Variants in MTUS2 observed in about 807,000 individuals in gnomAD.
MTUS2 encodes microtubule associated scaffold protein 2.
In MTUS2, 40 loss-of-function variants were observed where a neutral mutation model predicts 114.1. The observed-to-expected ratio is 0.35, with a 90% CI of 0.27 to 0.46. The LOEUF (loss-of-function observed/expected upper bound fraction) is 0.46, where lower values mean the gene tolerates loss of function less well. MTUS2 is among the 20% of genes least tolerant of loss of function. The pLI is 1.00. For missense variants in MTUS2, 1,679 were observed against 1,705.4 expected (o/e 0.98, Z 0.27); for synonymous variants, 688 against 672.0 (o/e 1.02, Z -0.37).
chr13:29,392,161 C>CA lies in MTUS2; in HGVS notation c.3117+32695dup, dbSNP rs1156551970. Among the ~76,000 whole-genome samples, 330 of 133,002 alleles carry CA rather than the reference C, an allele frequency of 2.5e-3. 2 individuals are homozygous for CA. Among genetic ancestry groups the CA allele is most frequent in the African/African-American group, 7.7e-3 (286 of 36,934 alleles). 87.3% of individuals were successfully genotyped at this position (133,002 alleles called of 152,430 possible). On this transcript the variant is annotated intron_variant, in intron 8 of 15. Transcript: ENST00000612955. ...AAAAACAAACCAAAAAAAAAAAAAC[C>CA]AAAAAAACACTTGTTATCTTTCCAA...
intron 2 of MTUS2, among the ~76,000 whole-genome samples, chr13:28,989,531 T>G (rs1884730979): frequency 1.3e-5 from 2 of 152,186 alleles, no homozygotes; most frequent in Non-Finnish European, 2.9e-5. Flanking sequence ...GAGGCTTAGA[T>G]TTGACTTGTT....
chr13:29,406,005 T>C (rs1046354188), intron 8 of MTUS2, among the ~76,000 whole-genome samples: 1 of 152,206 alleles, frequency 6.6e-6, no homozygotes, highest in Non-Finnish European at 1.5e-5. Context: ...CCTCCCACAG[T>C]GCTGGGATTA....
At chr13:29,023,670 T>C (rs1886386665) in intron 2 of MTUS2, among the ~76,000 whole-genome samples, 1 of 152,220 alleles carries the variant, frequency 6.6e-6, no homozygotes, top group Admixed American at 6.5e-5. Flanking sequence ...TCTCTAATTG[T>C]CCTAATAATA....
intron 8 of MTUS2, 40 bp downstream of exon 8, chr13:29,359,513 TG>T (rs770362240): frequency 1.4e-5 from 22 of 1,573,208 alleles, no homozygotes; most frequent in Non-Finnish European, 1.9e-5. Flanking sequence ...GCATTTTGGT[TG>T]GAGGAGAGTG....
chr13:29,429,927 G>C (rs950443906), intron 8 of MTUS2, among the ~76,000 whole-genome samples: 2 of 152,160 alleles, frequency 1.3e-5, no homozygotes, highest in African/African-American at 4.8e-5. Context: ...TACCACCTAG[G>C]AAAATTAAAC....
intron 5 of MTUS2, among the ~76,000 whole-genome samples, chr13:29,252,626 G>A (rs555806126): frequency 5.6e-4 from 85 of 152,172 alleles, no homozygotes; most frequent in African/African-American, 2.0e-3. Flanking sequence ...TTTGGCTCCC[G>A]TAATTCCCAC....
intron 5 of MTUS2, among the ~76,000 whole-genome samples, chr13:29,116,341 C>T (rs1354317133): frequency 2.0e-5 from 3 of 152,190 alleles, no homozygotes; most frequent in Non-Finnish European, 4.4e-5. Context: ...TCCTAAGGAA[C>T]TGGTGAGAAC....
intron 2 of MTUS2, among the ~76,000 whole-genome samples, chr13:28,938,809 CTTTAAA>C (rs1481958789): frequency 2.6e-5 from 4 of 152,102 alleles, no homozygotes; most frequent in South Asian, 2.1e-4. Context: ...CGTACTGAGA[CTTTAAA>C]TTTAAGACAT....
intron 5 of MTUS2, among the ~76,000 whole-genome samples, chr13:29,139,083 C>T (rs753448156): frequency 6.6e-5 from 10 of 151,020 alleles, no homozygotes; most frequent in Non-Finnish European, 1.0e-4. Context: ...GTGTTTTCCA[C>T]GTTCCCAGCC....
At chr13:28,828,947 TC>T (rs1463597190) in intron 1 of MTUS2, among the ~76,000 whole-genome samples, 24 of 152,148 alleles carry the variant, frequency 1.6e-4, no homozygotes, top group African/African-American at 5.8e-4. Context: ...AATTTTGATT[TC>T]CTAAAAATAT....
chr13:29,320,860 A>G (rs2139670394), intron 6 of MTUS2, among the ~76,000 whole-genome samples: 1 of 152,314 alleles, frequency 6.6e-6, no homozygotes, highest in East Asian at 1.9e-4. Context: ...CAGGGGCCAG[A>G]CTTAGGAGCT....
intron 8 of MTUS2, among the ~76,000 whole-genome samples, chr13:29,418,505 G>A (rs866406144): frequency 6.6e-6 from 1 of 152,162 alleles, no homozygotes; most frequent in Non-Finnish European, 1.5e-5. Context: ...TCACTTCTAG[G>A]AATATCATGA....
intron 9 of MTUS2, among the ~76,000 whole-genome samples, chr13:29,451,587 AT>A (rs551756160): frequency 1.4e-3 from 202 of 144,826 alleles, no homozygotes; most frequent in Admixed American, 1.9e-3. Flanking sequence ...GTACTGTCCA[AT>A]TTTTTTTTTT....
At chr13:29,186,567 G>T (rs1466239637) in intron 5 of MTUS2, among the ~76,000 whole-genome samples, 3 of 152,108 alleles carry the variant, frequency 2.0e-5, no homozygotes, top group Non-Finnish European at 4.4e-5. Flanking sequence ...GCTCTTTCAA[G>T]AATATATAAC....
At chr13:28,975,108 T>G (rs1884028376) in intron 2 of MTUS2, among the ~76,000 whole-genome samples, 1 of 152,146 alleles carries the variant, frequency 6.6e-6, no homozygotes, top group Non-Finnish European at 1.5e-5. Context: ...CTAGAACAAT[T>G]AAGGCTCTTC....
At chr13:29,472,718 T>C (rs1284893554) in intron 9 of MTUS2, among the ~76,000 whole-genome samples, 5 of 152,236 alleles carry the variant, frequency 3.3e-5, no homozygotes, top group African/African-American at 1.2e-4. Flanking sequence ...GTTTGTTGCA[T>C]TTGTCTATAA....
At chr13:29,090,417 C>T (rs1486297671) in intron 4 of MTUS2, among the ~76,000 whole-genome samples, 6 of 151,894 alleles carry the variant, frequency 4.0e-5, no homozygotes, top group Admixed American at 1.3e-4. Context: ...GTGCTGGGGT[C>T]GTGGGGGCTG....
At chr13:29,386,477 C>T (rs373878054) in intron 8 of MTUS2, among the ~76,000 whole-genome samples, 111 of 152,256 alleles carry the variant, frequency 7.3e-4, no homozygotes, top group African/African-American at 2.4e-3. Flanking sequence ...GGAGAGTGAT[C>T]AGATAACAAG....
chr13:29,474,286 C>T (rs1880531756), intron 9 of MTUS2, among the ~76,000 whole-genome samples: 2 of 152,112 alleles, frequency 1.3e-5, no homozygotes, highest in African/African-American at 4.8e-5. Context: ...CATTTCTGAG[C>T]CTCTAGTAGA....
Sources: allele counts gnomAD v4.1 joint callset (sites outside exome capture counted in the v4.1 genomes callset), GRCh38; gene constraint gnomAD v4.1.1; transcripts MANE v1.5; gene names NCBI Gene and HGNC (gene_info 2026-07-23, HGNC 2026-07-21).